PRELID3A: variants seen among roughly 807,000 people sequenced by gnomAD.
PRELID3A encodes PRELI domain containing 3A, also known as PRELI domain containing protein 3A.
Under a neutral mutation model 23.0 loss-of-function variants are expected in PRELID3A, and 27 were observed. That is an observed-to-expected ratio of 1.17 (90% confidence interval 0.87 to 1.62). The LOEUF (loss-of-function observed/expected upper bound fraction) is 1.62, where lower values mean the gene tolerates loss of function less well. Ranked by LOEUF, PRELID3A falls within the 40% of genes most tolerant of loss-of-function variation. PRELID3A has a pLI of 0.00. For missense variants in PRELID3A, 231 were observed against 231.4 expected, an observed-to-expected ratio of 1.00 and a Z score of 0.01; for synonymous variants, 87 against 86.4, an observed-to-expected ratio of 1.01 and a Z score of -0.04.
chr18:12,422,468 C>T (rs1255935719), intron 3 of PRELID3A: 3 of 151,952 alleles, frequency 2.0e-5, no homozygotes, highest in Non-Finnish European at 4.4e-5. Flanking sequence ...AAGCCATTCT[C>T]CTGCCTCAGC....
intron 2 of PRELID3A, among the ~76,000 whole-genome samples, chr18:12,420,728 C>T (rs553729489): frequency 0.015 from 1,483 of 101,516 alleles, 62 homozygotes; most frequent in African/African-American, 0.057. Flanking sequence ...GAGGGTTTTC[C>T]TCGAGATCGG....
chr18:12,415,341 C>T (rs1280915660), intron 1 of PRELID3A, among the ~76,000 whole-genome samples: 1 of 151,976 alleles, frequency 6.6e-6, no homozygotes. Flanking sequence ...CTCACAGCAA[C>T]CTCTGCCTCC....
At chr18:12,427,701 AAT>A (rs899735068) in intron 5 of PRELID3A, among the ~76,000 whole-genome samples, 45 of 151,796 alleles carry the variant, frequency 3.0e-4, no homozygotes, top group African/African-American at 9.9e-4. Context: ...TAAAAAAAAA[AAT>A]AAAAATAAAA....
intron 1 of PRELID3A, chr18:12,410,744 T>C (rs1030140621): frequency 1.3e-5 from 2 of 152,180 alleles, no homozygotes; most frequent in African/African-American, 4.8e-5. Flanking sequence ...TCACCCAGGC[T>C]GGAGTGCAGT....
chr18:12,422,938 G>A (rs541279887), intron 3 of PRELID3A, among the ~76,000 whole-genome samples: 1 of 152,342 alleles, frequency 6.6e-6, no homozygotes, highest in African/African-American at 2.4e-5. Context: ...ACGGTATCAA[G>A]TGCCTGCCAG....
At chr18:12,422,253 A>G (rs1169862027) in intron 3 of PRELID3A, 1 of 139,552 alleles carries the variant, frequency 7.2e-6, no homozygotes, top group African/African-American at 2.7e-5. Context: ...CCTAGGCTGG[A>G]GTGCAGTGGA....
chr18:12,420,283 G>A (rs1171363137), intron 1 of PRELID3A, 42 bp from the exon 2 acceptor site: 6 of 1,551,680 alleles, frequency 3.9e-6, no homozygotes, highest in South Asian at 1.2e-5. Flanking sequence ...TTGCGGCCCC[G>A]GCCCCGGCGC....
chr18:12,420,161 C>T lies in PRELID3A; in HGVS notation c.33-164C>T, dbSNP rs1035440933. The T allele has an allele frequency of 6.3e-6, 9 of 1,428,384 alleles. No individual in the cohort carries two copies. In the Admixed American group the frequency reaches 1.1e-4, roughly 18 times the overall value. 88.5% of individuals were successfully genotyped at this position (1,428,384 alleles called of 1,614,324 possible). ...CCGAGGCGTGCAGGTGCTGAGCCGG[C>T]GGCCGGGGAGGGCTCGCGGGACTCC... is the stretch of plus-strand genomic sequence containing the variant. On this transcript the variant is annotated intron_variant, in intron 1 of 6. Coordinates refer to ENST00000440960, the MANE Select transcript of PRELID3A (RefSeq NM_001142405.2).
intron 2 of PRELID3A, chr18:12,421,299 A>C (rs1360673244): frequency 1.0e-5 from 5 of 489,736 alleles, no homozygotes; most frequent in Non-Finnish European, 1.8e-5. Context: ...AGCCTGTTTT[A>C]TTTTGCCGGG....
Position 12,427,253 on chromosome 18 carries a change from T to C in PRELID3A, c.395T>C (p.Val132Ala). ...CTCACACAAGAAGCCATCATCACTG[T>C]GAAGGGGATTAGCCTTGGTAGTTAT... ...TVLTQEAIIT[V>A]KGISLGSYLE... Residue 132 changes from valine to alanine, a missense_variant, in exon 5 of 7, where the codon GTG (valine) becomes GCG (alanine). By Grantham distance (64) the Val-to-Ala change is moderately conservative (BLOSUM62 0). Coordinates refer to ENST00000440960, the MANE Select transcript of PRELID3A (RefSeq NM_001142405.2). The C allele has an allele frequency of 6.2e-7, 1 of 1,614,202 alleles. No homozygotes were observed. The highest frequency in any genetic ancestry group is 8.5e-7 in the Non-Finnish European group (1 of 1,180,020).
chr18:12,419,266 C>T (rs1332363022), intron 1 of PRELID3A, among the ~76,000 whole-genome samples: 3 of 147,108 alleles, frequency 2.0e-5, no homozygotes, highest in Non-Finnish European at 3.0e-5. Flanking sequence ...GTGGAGGTTG[C>T]AGTGAGCCGA....
Position 12,407,939 on chromosome 18 carries a change from G to A in PRELID3A, c.-37G>A, listed in dbSNP as rs566534779. ...GGAGCCGCGCGGCCCGAAGCACCCG[G>A]CCCGGATCGCAGAGCCCGCGCCCTG... On this transcript the variant is annotated 5_prime_UTR_variant, in exon 1 of 7. Coordinates refer to ENST00000440960, the MANE Select transcript of PRELID3A (RefSeq NM_001142405.2). 2 of 1,288,708 alleles carry A rather than the reference G, an allele frequency of 1.6e-6. No homozygotes were observed. Among genetic ancestry groups the A allele is most frequent in the Non-Finnish European group, 2.0e-6 (2 of 1,021,376 alleles). The allele number at this position is 1,288,708 out of a possible 1,614,324, so 79.8% of individuals were successfully genotyped here. A position where few individuals can be genotyped will look rare whatever the true frequency, so the allele number is the denominator to read the frequency against.
At chr18:12,411,008 A>G (rs1416576206) in intron 1 of PRELID3A, 1 of 152,210 alleles carries the variant, frequency 6.6e-6, no homozygotes, top group East Asian at 1.9e-4. Flanking sequence ...ATTAGGCACA[A>G]ACAGTTTGAT....
At chr18:12,416,745 A>C (rs1021852116) in intron 1 of PRELID3A, among the ~76,000 whole-genome samples, 2 of 148,876 alleles carry the variant, frequency 1.3e-5, no homozygotes, top group South Asian at 4.2e-4. Flanking sequence ...TCCCGGGTTC[A>C]CGCCATTCTC....
chr18:12,432,105 A>G lies in PRELID3A; in HGVS notation c.*989A>G, dbSNP rs886870681. The G allele has an allele frequency of 6.6e-6, 1 of 152,234 alleles. No homozygotes were observed. The highest frequency in any genetic ancestry group is 2.4e-5 in the African/African-American group (1 of 41,464). The allele number at this position is 152,234 out of a possible 1,614,324, so 9.4% of individuals were successfully genotyped here. A position where few individuals can be genotyped will look rare whatever the true frequency, so the allele number is the denominator to read the frequency against. On this transcript the variant is annotated 3_prime_UTR_variant, in exon 7 of 7. Transcript: ENST00000440960. The stretch of plus-strand genomic sequence containing the variant: ...AGGAGTCTGGAGTCCGTTGAAGGGT[A>G]AAGGCCTCCCGCAAGCTGCCAGTCG...
intron 3 of PRELID3A, among the ~76,000 whole-genome samples, chr18:12,424,900 G>A (rs2030306008): frequency 6.6e-6 from 1 of 152,108 alleles, no homozygotes; most frequent in Non-Finnish European, 1.5e-5. Flanking sequence ...TTGGGAGGCT[G>A]AGGCAGGCAG....
intron 3 of PRELID3A, among the ~76,000 whole-genome samples, chr18:12,426,671 C>A (rs2030391042): frequency 1.3e-5 from 2 of 152,072 alleles, no homozygotes; most frequent in African/African-American, 4.8e-5. Flanking sequence ...CCCATCCAGT[C>A]CTAGGAGACA....
chr18:12,411,308 A>T (rs557251295), intron 1 of PRELID3A, among the ~76,000 whole-genome samples: 54 of 151,822 alleles, frequency 3.6e-4, no homozygotes, highest in Admixed American at 7.9e-4. Flanking sequence ...AAATAAAAAA[A>T]AAAAAAAATT....
rs375906766 is a variant in PRELID3A, at chr18:12,427,130, G to T, written c.362+19G>T. ...CAGAAATGTGAGTCATCTCCTGTGG[G>T]ATTGACACATTGAATGCCACGGGTG... On this transcript the variant is annotated intron_variant, in intron 4 of 6. Transcript: ENST00000440960. 6.2e-7 allele frequency: 1 copy of T among 1,605,826 alleles called. No homozygotes were observed. The highest frequency in any genetic ancestry group is 1.7e-5 in the Admixed American group (1 of 60,000).
Sources: allele counts gnomAD v4.1 joint callset (sites outside exome capture counted in the v4.1 genomes callset), GRCh38; gene constraint gnomAD v4.1.1; transcripts MANE v1.5; gene names NCBI Gene and HGNC (gene_info 2026-07-23, HGNC 2026-07-21).